Variants in HS3ST3A1 observed in about 807,000 individuals in gnomAD.
The protein encoded by HS3ST3A1 is heparan sulfate glucosamine 3-O-sulfotransferase 3A1.
In HS3ST3A1, 19 loss-of-function variants were observed where a neutral mutation model predicts 25.7. That is an observed-to-expected ratio of 0.74 (90% CI 0.52 to 1.08). The LOEUF is 1.08. Among genes scored for constraint, HS3ST3A1 ranks in the 50% least tolerant of loss-of-function variants. The pLI is 0.00. For missense variants in HS3ST3A1, 459 were observed against 594.3 expected (o/e 0.77, Z 2.37); for synonymous variants, 226 against 278.6 (o/e 0.81, Z 1.88).
intron 1 of HS3ST3A1, among the ~76,000 whole-genome samples, chr17:13,576,438 C>T (rs1466893970): frequency 6.6e-6 from 1 of 152,230 alleles, no homozygotes; most frequent in East Asian, 1.9e-4. Flanking sequence ...TCTGCTACTT[C>T]AAGTCACTCC....
intron 1 of HS3ST3A1, among the ~76,000 whole-genome samples, chr17:13,591,533 C>CA (rs1908423255): frequency 6.6e-6 from 1 of 152,030 alleles, no homozygotes; most frequent in African/African-American, 2.4e-5. Context: ...GAAAAGTTGA[C>CA]AAAAATGAAG....
At chr17:13,548,170 A>G (rs1043979300) in intron 1 of HS3ST3A1, among the ~76,000 whole-genome samples, 2 of 152,212 alleles carry the variant, frequency 1.3e-5, no homozygotes, top group Non-Finnish European at 2.9e-5. Context: ...CACAGACAAG[A>G]TGGTTTATAC....
At chr17:13,521,968 T>C (rs1906259737) in intron 1 of HS3ST3A1, among the ~76,000 whole-genome samples, 2 of 152,014 alleles carry the variant, frequency 1.3e-5, no homozygotes, top group African/African-American at 2.4e-5. Flanking sequence ...TTCCCTCCAC[T>C]CCCCCTCTAG....
At chr17:13,521,162 C>T (rs1906222737) in intron 1 of HS3ST3A1, among the ~76,000 whole-genome samples, 2 of 152,172 alleles carry the variant, frequency 1.3e-5, no homozygotes, top group Admixed American at 6.5e-5. Context: ...CCGGGTTGGT[C>T]TACAGACTCC....
chr17:13,590,720 C>T (rs368755690), intron 1 of HS3ST3A1, among the ~76,000 whole-genome samples: 1 of 152,144 alleles, frequency 6.6e-6, no homozygotes, highest in African/African-American at 2.4e-5. Context: ...ATTAGACAAA[C>T]ATTATTAATA....
chr17:13,563,654 A>G (rs536617939), intron 1 of HS3ST3A1, among the ~76,000 whole-genome samples: 1 of 152,300 alleles, frequency 6.6e-6, no homozygotes, highest in South Asian at 2.1e-4. Context: ...TCTGGGAATC[A>G]CTAAGTCAAT....
chr17:13,548,992 C>T (rs561438926), intron 1 of HS3ST3A1, among the ~76,000 whole-genome samples: 10 of 152,334 alleles, frequency 6.6e-5, no homozygotes, highest in East Asian at 3.9e-4. Context: ...CACCCGAGCC[C>T]GCAGCAGCGA....
intron 1 of HS3ST3A1, among the ~76,000 whole-genome samples, chr17:13,521,888 C>T (rs910697080): frequency 1.3e-5 from 2 of 152,108 alleles, no homozygotes; most frequent in Non-Finnish European, 2.9e-5. Context: ...TGTTTGGGGG[C>T]TGTTCTATGC....
intron 1 of HS3ST3A1, among the ~76,000 whole-genome samples, chr17:13,530,142 A>G (rs764880680): frequency 8.5e-5 from 13 of 152,118 alleles, no homozygotes; most frequent in Non-Finnish European, 1.8e-4. Flanking sequence ...AATAGATGCA[A>G]TACAAAGTTC....
At chr17:13,526,124 A>G (rs1176490224) in intron 1 of HS3ST3A1, among the ~76,000 whole-genome samples, 1 of 151,778 alleles carries the variant, frequency 6.6e-6, no homozygotes, top group Non-Finnish European at 1.5e-5. Context: ...CAGTCTTAGA[A>G]TCTGCCCTGT....
At chr17:13,593,877 T>C (rs1263825528) in intron 1 of HS3ST3A1, among the ~76,000 whole-genome samples, 1 of 152,156 alleles carries the variant, frequency 6.6e-6, no homozygotes, top group African/African-American at 2.4e-5. Flanking sequence ...CTAAACTGCA[T>C]ACACTATCCA....
At chr17:13,518,760 AG>A (rs1906132022) in intron 1 of HS3ST3A1, among the ~76,000 whole-genome samples, 1 of 152,188 alleles carries the variant, frequency 6.6e-6, no homozygotes, top group African/African-American at 2.4e-5. Flanking sequence ...ATCCCAGGAA[AG>A]CCCTCCCTAG....
rs555128786 is a variant in HS3ST3A1, at chr17:13,523,927, C to T, written c.600-27109G>A. The stretch of plus-strand genomic sequence containing the variant: ...TGCTTATTTACCCATTTTCATTCTT[C>T]CTACCTTAATATTAAAATACATAAA... On this transcript the variant is annotated intron_variant, in intron 1 of 1. Transcript: ENST00000284110. Among the ~76,000 whole-genome samples, 244 of 152,058 alleles carry T rather than the reference C, an allele frequency of 1.6e-3. 1 individual carries two copies. Among genetic ancestry groups the T allele is most frequent in the African/African-American group, 5.5e-3 (228 of 41,494 alleles).
chr17:13,576,776 T>C (rs1218477234), intron 1 of HS3ST3A1, among the ~76,000 whole-genome samples: 1 of 152,242 alleles, frequency 6.6e-6, no homozygotes, highest in Non-Finnish European at 1.5e-5. Flanking sequence ...TCACTATTCC[T>C]AGAGCAAGCA....
intron 1 of HS3ST3A1, among the ~76,000 whole-genome samples, chr17:13,557,855 G>GA (rs1169062625): frequency 6.6e-6 from 1 of 152,152 alleles, no homozygotes; most frequent in Non-Finnish European, 1.5e-5. Flanking sequence ...AATCCTCAGA[G>GA]AAAAAATGTT....
intron 1 of HS3ST3A1, among the ~76,000 whole-genome samples, chr17:13,597,988 C>G (rs1908627046): frequency 6.6e-6 from 1 of 152,198 alleles, no homozygotes; most frequent in African/African-American, 2.4e-5. Context: ...CAAAAAAAGG[C>G]TAGACCTTTT....
At chr17:13,522,246 T>A (rs1254385937) in intron 1 of HS3ST3A1, among the ~76,000 whole-genome samples, 1 of 150,524 alleles carries the variant, frequency 6.6e-6, no homozygotes, top group East Asian at 2.0e-4. Context: ...AAAAAAAAGT[T>A]AACAATACCG....
At chr17:13,547,328 G>GCCCCTAGA (rs1907118347) in intron 1 of HS3ST3A1, among the ~76,000 whole-genome samples, 1 of 152,152 alleles carries the variant, frequency 6.6e-6, no homozygotes, top group African/African-American at 2.4e-5. Context: ...TGGTTGGGGG[G>GCCCCTAGA]CCCCTAGATA....
At chr17:13,596,896 G>A (rs558719174) in intron 1 of HS3ST3A1, among the ~76,000 whole-genome samples, 2 of 152,114 alleles carry the variant, frequency 1.3e-5, no homozygotes, top group African/African-American at 4.8e-5. Flanking sequence ...CCTCTGCTCA[G>A]TATGCCTCTC....
Sources: allele counts gnomAD v4.1 joint callset (sites outside exome capture counted in the v4.1 genomes callset), GRCh38; gene constraint gnomAD v4.1.1; transcripts MANE v1.5; gene names NCBI Gene and HGNC (gene_info 2026-07-23, HGNC 2026-07-21).